The following PSME4 variants were observed in gnomAD, a reference collection of about 807,000 sequenced individuals.
PSME4 encodes the protein proteasome activator complex subunit 4.
A neutral mutation model predicts 253.9 loss-of-function variants in PSME4; 89 were observed. The ratio of observed to expected loss-of-function variants is 0.35; its 90% CI spans 0.30 to 0.42. The LOEUF is 0.42. PSME4 is among the 10% of genes least tolerant of loss of function. The pLI is 1.00. For missense variants in PSME4, 2,014 were observed against 2,195.2 expected (o/e 0.92, Z 1.65); for synonymous variants, 851 against 759.2 (o/e 1.12, Z -1.99).
intron 26 of PSME4, 135 bp from the exon 27 acceptor site, chr2:53,904,291 C>T: frequency 4.6e-6 from 4 of 878,726 alleles, no homozygotes; most frequent in Non-Finnish European, 5.1e-6. Context: ...AGCACGTACC[C>T]TAAAAAAGAA....
chr2:53,932,817 G>A, intron 8 of PSME4, 57 bp from the exon 9 acceptor site: 2 of 1,356,298 alleles, frequency 1.5e-6, no homozygotes, highest in South Asian at 1.2e-5. Context: ...AAAAACAGAG[G>A]TCAACAGGCC....
At chr2:53,898,065 G>T (rs1483323080) in intron 30 of PSME4, 66 bp from the exon 31 acceptor site, 13 of 1,505,270 alleles carry the variant, frequency 8.6e-6, no homozygotes, top group African/African-American at 5.6e-5. Context: ...AAAACTGTAT[G>T]TGAAACACCT....
At chr2:53,968,452 C>T (rs1314009344) in intron 1 of PSME4, among the ~76,000 whole-genome samples, 1 of 152,062 alleles carries the variant, frequency 6.6e-6, no homozygotes, top group African/African-American at 2.4e-5. Flanking sequence ...ACTCAGCTTT[C>T]GTCACACGTT....
At chr2:53,912,436 T>C (rs1254661737) in intron 20 of PSME4, among the ~76,000 whole-genome samples, 4 of 152,224 alleles carry the variant, frequency 2.6e-5, no homozygotes, top group African/African-American at 7.2e-5. Flanking sequence ...TTACAATAAA[T>C]GCTTCTCAGC....
chr2:53,970,562 A>C lies in PSME4; in HGVS notation c.223T>G (p.Trp75Gly). 6.5e-7 allele frequency: 1 copy of C among 1,548,206 alleles called. No individual in the cohort carries two copies. The highest frequency in any genetic ancestry group is 1.2e-5 in the South Asian group (1 of 83,964). The change falls in exon 1 of 47, where the codon TGG becomes GGG. Residue 75 changes from tryptophan to glycine, a missense_variant. Trp to Gly is a radical substitution (Grantham distance 184). Around this residue, in one of 4 missense-constraint regions of PSME4, gnomAD observed 615 missense variants for 594.4 expected, o/e 1.03. Coordinates refer to ENST00000404125, the MANE Select transcript of PSME4 (RefSeq NM_014614.3). ...LQELWPGGLF[W>G]TRKLSTYIRL... is the part of the protein sequence containing the mutation. ...ACTTACGTGGAGAGTTTCCTGGTCC[A>C]GAAGAGGCCCCCGGGCCACAGCTCT...
intron 19 of PSME4, among the ~76,000 whole-genome samples, chr2:53,919,783 T>C (rs1301008030): frequency 6.6e-6 from 1 of 152,080 alleles, no homozygotes; most frequent in Non-Finnish European, 1.5e-5. Context: ...TGGTTTCAAA[T>C]ACTTATTTCT....
intron 19 of PSME4, 66 bp from the exon 20 acceptor site, chr2:53,919,312 G>A (rs1238988342): frequency 6.8e-7 from 1 of 1,476,582 alleles, no homozygotes; most frequent in African/African-American, 1.4e-5. Context: ...CTAGAGCCTA[G>A]CACAGAAGTT....
At chr2:53,883,822 G>A (rs1265259444) in intron 41 of PSME4, among the ~76,000 whole-genome samples, 2 of 150,880 alleles carry the variant, frequency 1.3e-5, no homozygotes, top group South Asian at 2.1e-4. Context: ...CATCTCTGTT[G>A]ATGACATTTA....
rs1300243456 is a variant in PSME4 at position 53,923,083 on chromosome 2, G to A, written c.1944C>T (p.Pro648=). ...GCTGAGTTATAACACTGCAGCAGTG[G>A]GGAACAAAGAGCTTCAAAGATTCTT... ...CPEESLKLFV[P]HCCSVITQLT... Residue 648 remains proline (P), a synonymous_variant, in exon 16 of 47, where the codon CCC becomes CCT. Transcript: ENST00000404125. 4 of 1,607,340 alleles carry A rather than the reference G, an allele frequency of 2.5e-6. No homozygotes were observed. Among genetic ancestry groups the A allele is most frequent in the Non-Finnish European group, 3.4e-6 (4 of 1,176,088 alleles).
Position 53,953,955 on chromosome 2 carries a change from A to C in PSME4, c.243-4672T>G, listed in dbSNP as rs138713057. ...GGAAGAACAAAAAAGAGTAAAAGATAATACAATAGCATTTCCAGCCGCTTC... is the reference window on the plus strand; with the variant it reads ...GGAAGAACAAAAAAGAGTAAAAGATCATACAATAGCATTTCCAGCCGCTTC... On this transcript the variant is annotated intron_variant, in intron 1 of 46. Coordinates refer to ENST00000404125, the MANE Select transcript of PSME4 (RefSeq NM_014614.3). Among the ~76,000 whole-genome samples the C allele has an allele frequency of 8.5e-5, 13 of 152,372 alleles. No homozygotes were observed. The East Asian group carries it at 2.5e-3, about 29-fold the overall frequency.
chr2:53,892,243 A>G (rs924391767), intron 36 of PSME4, among the ~76,000 whole-genome samples: 2 of 152,222 alleles, frequency 1.3e-5, no homozygotes, highest in African/African-American at 4.8e-5. Flanking sequence ...CCTTATGCTC[A>G]GGTGGTCCTG....
chr2:53,913,912 C>G (rs1458773960), intron 20 of PSME4, among the ~76,000 whole-genome samples: 1 of 152,210 alleles, frequency 6.6e-6, no homozygotes, highest in Non-Finnish European at 1.5e-5. Flanking sequence ...GCAGCTCCCC[C>G]AGCAGAGCTG....
rs1385611481 is a variant in PSME4, at chr2:53,931,866, G to T, written c.1285C>A (p.Pro429Thr). ...QALQNLALMRPELVIPPVLER... is the reference protein window; with the variant it reads ...QALQNLALMRTELVIPPVLER... ...AGTACAGGGGGTATTACCAATTCAG[G>T]TCTCATGAGTGCAAGATTCTGCAAA... Residue 429 changes from proline (P) to threonine (T), a missense_variant, in exon 10 of 47, where the codon CCT (proline) becomes ACT (threonine). Pro to Thr is a conservative substitution (Grantham distance 38, BLOSUM62 -1). Coordinates refer to ENST00000404125, the MANE Select transcript of PSME4 (RefSeq NM_014614.3). 1 of 1,614,038 alleles carries T rather than the reference G, an allele frequency of 6.2e-7. No individual in the cohort carries two copies. Among genetic ancestry groups the T allele is most frequent in the East Asian group, 2.2e-5 (1 of 44,890 alleles).
chr2:53,927,664 C>T (rs1007559609), intron 11 of PSME4, among the ~76,000 whole-genome samples, 181 bp from the exon 12 acceptor site: 5 of 152,096 alleles, frequency 3.3e-5, no homozygotes, highest in South Asian at 2.1e-4. Context: ...AACTAGCTGT[C>T]GGCCGAGCGC....
intron 24 of PSME4, chr2:53,908,027 AT>A: frequency 3.3e-6 from 1 of 306,518 alleles, no homozygotes. Flanking sequence ...AATTCCTCCT[AT>A]TTTTAAATTC....
At chr2:53,931,175 G>A (rs2104459429) in intron 10 of PSME4, among the ~76,000 whole-genome samples, 1 of 152,316 alleles carries the variant, frequency 6.6e-6, no homozygotes, top group South Asian at 2.1e-4. Context: ...CTACTCAGGA[G>A]GCTGAGGCAG....
intron 41 of PSME4, among the ~76,000 whole-genome samples, chr2:53,885,294 A>AT (rs1679585600): frequency 6.6e-6 from 1 of 152,214 alleles, no homozygotes; most frequent in Admixed American, 6.5e-5. Context: ...GTCCTTTAAC[A>AT]TTGTAAAACA....
rs867418797 is a variant in PSME4 at position 53,933,988 on chromosome 2, C to T, written c.957+617G>A. Among the ~76,000 whole-genome samples the T allele has an allele frequency of 3.9e-5, 6 of 152,198 alleles. No homozygotes were observed. The Middle Eastern group carries it at 0.017, about 431-fold the overall frequency. ...AAACAAAAAAAAATTGTCTTTTCCA[C>T]AGAAACAAGCTAACGTGTAAAACAG... On this transcript the variant is annotated intron_variant, in intron 8 of 46. Coordinates refer to ENST00000404125, the MANE Select transcript of PSME4 (RefSeq NM_014614.3).
At chr2:53,939,143 T>C (rs1303789239) in intron 4 of PSME4, among the ~76,000 whole-genome samples, 2 of 152,280 alleles carry the variant, frequency 1.3e-5, no homozygotes, top group African/African-American at 2.4e-5. Flanking sequence ...GAGACAGATA[T>C]CTCATATTCC....
Sources: gnomAD v4.1 joint callset for allele counts (sites outside exome capture counted in the v4.1 genomes callset) on GRCh38, gnomAD v4.1.1 for gene constraint, gnomAD v4.1.1 regional missense constraint, MANE v1.5 for transcripts, NCBI Gene and HGNC (gene_info 2026-07-23, HGNC 2026-07-21) for gene names.